The following SORL1 variants were observed in gnomAD, a reference collection of about 807,000 sequenced individuals.
SORL1 encodes sortilin related receptor 1.
SORL1 carries 127 observed loss-of-function variants against 273.7 expected under a neutral mutation model. That is an observed-to-expected ratio of 0.46 (90% confidence interval 0.40 to 0.54). The LOEUF (loss-of-function observed/expected upper bound fraction) is 0.54. SORL1 is among the 20% of genes least tolerant of loss of function. SORL1 has a pLI of 0.00. For missense variants in SORL1, 2,494 were observed against 2,846.1 expected (o/e 0.88, Z 2.81); for synonymous variants, 1,031 against 1,067.4 (o/e 0.97, Z 0.66).
At chr11:121,564,435 TCTCTA>T (rs1862724117) in intron 21 of SORL1, among the ~76,000 whole-genome samples, 1 of 152,212 alleles carries the variant, frequency 6.6e-6, no homozygotes, top group African/African-American at 2.4e-5. Flanking sequence ...CATTTTGAGT[TCTCTA>T]CTCTTAGCTC....
chr11:121,604,511 C>A (rs957994474), intron 33 of SORL1, among the ~76,000 whole-genome samples, 187 bp downstream of exon 33: 1 of 152,074 alleles, frequency 6.6e-6, no homozygotes, highest in South Asian at 2.1e-4. Flanking sequence ...TCTGATACAA[C>A]ATGCAGCTGT....
chr11:121,584,547 G>A (rs1164073594), intron 26 of SORL1, among the ~76,000 whole-genome samples: 3 of 151,856 alleles, frequency 2.0e-5, no homozygotes, highest in African/African-American at 7.3e-5. Context: ...ATTCTACACA[G>A]AGCTCAGTTT....
At chr11:121,546,375 A>C (rs1186974492) in intron 14 of SORL1, among the ~76,000 whole-genome samples, 1 of 151,812 alleles carries the variant, frequency 6.6e-6, no homozygotes, top group Non-Finnish European at 1.5e-5. Context: ...GCTTAGCTGT[A>C]GGAAGAGGAT....
chr11:121,499,186 C>A (rs1437777603), intron 6 of SORL1, among the ~76,000 whole-genome samples: 1 of 152,094 alleles, frequency 6.6e-6, no homozygotes, highest in Non-Finnish European at 1.5e-5. Flanking sequence ...ATTTTTGGTA[C>A]TTTTATAGGC....
At chr11:121,513,184 G>A (rs976271552) in intron 7 of SORL1, 80 bp downstream of exon 7, 4 of 1,033,122 alleles carry the variant, frequency 3.9e-6, no homozygotes, top group Middle Eastern at 2.1e-4. Context: ...TGCAGGGATG[G>A]CCTGCTGGAG....
chr11:121,556,875 A>G, intron 18 of SORL1: 1 of 159,344 alleles, frequency 6.3e-6, no homozygotes, highest in Non-Finnish European at 1.4e-5. Flanking sequence ...GAGCAAGAAT[A>G]TGAGTCCCAC....
chr11:121,538,345 C>G (rs116925054), intron 12 of SORL1, among the ~76,000 whole-genome samples: 2,567 of 152,274 alleles, frequency 0.017, 37 homozygotes, highest in Non-Finnish European at 0.023. Flanking sequence ...CTCTCCACCC[C>G]CAAACCCCTG....
Position 121,514,200 on chromosome 11 carries a change from A to G in SORL1, c.1090A>G (p.Ser364Gly), listed in dbSNP as rs1365934147. The change falls in exon 8 of 48, where the codon AGC becomes GGC. Residue 364 changes from serine (S) to glycine (G), a missense_variant. By Grantham distance (56) the Ser-to-Gly change is moderately conservative. Around this residue, in one of 3 missense-constraint regions of SORL1, gnomAD observed 710 missense variants for 882.5 expected, o/e 0.80. Transcript: ENST00000260197. ...CGAGGACCAGGTGTTTGTGTGTGTC[A>G]GCCACAGTAACAACCGCACCAATTT... ...ASEDQVFVCVSHSNNRTNLYI... is the reference protein window; with the variant it reads ...ASEDQVFVCVGHSNNRTNLYI... The G allele has an allele frequency of 6.2e-7, 1 of 1,614,194 alleles. No individual in the cohort carries two copies. Among genetic ancestry groups the G allele is most frequent in the Admixed American group, 1.7e-5 (1 of 60,030 alleles).
intron 6 of SORL1, among the ~76,000 whole-genome samples, chr11:121,503,733 A>T (rs746942749): frequency 1.3e-5 from 2 of 152,176 alleles, no homozygotes; most frequent in African/African-American, 2.4e-5. Context: ...ATTCTATTCC[A>T]TTAATCTGTA....
At chr11:121,486,207 G>T (rs1861468557) in intron 3 of SORL1, among the ~76,000 whole-genome samples, 1 of 152,166 alleles carries the variant, frequency 6.6e-6, no homozygotes, top group Non-Finnish European at 1.5e-5. Flanking sequence ...TGTTGCTCTG[G>T]TTTCTGATTC....
At chr11:121,515,735 G>A (rs1379694780) in intron 8 of SORL1, among the ~76,000 whole-genome samples, 2 of 151,972 alleles carry the variant, frequency 1.3e-5, no homozygotes, top group African/African-American at 2.4e-5. Context: ...CACTGCAACC[G>A]CCGCTTCCTG....
intron 22 of SORL1, among the ~76,000 whole-genome samples, chr11:121,569,235 C>G (rs909625723): frequency 6.6e-6 from 1 of 152,154 alleles, no homozygotes; most frequent in African/African-American, 2.4e-5. Flanking sequence ...CGCCTCAGGA[C>G]CCTGTGATGA....
intron 22 of SORL1, among the ~76,000 whole-genome samples, chr11:121,569,573 G>A (rs1443823201): frequency 6.6e-6 from 1 of 152,184 alleles, no homozygotes; most frequent in Non-Finnish European, 1.5e-5. Flanking sequence ...CCAGTCTCCT[G>A]TAGTGCTCCT....
At chr11:121,576,657 G>T in intron 24 of SORL1, 1 of 925,162 alleles carries the variant, frequency 1.1e-6, no homozygotes. Context: ...TATTGCCAGG[G>T]CAGCCTCCTT....
intron 31 of SORL1, among the ~76,000 whole-genome samples, chr11:121,594,237 A>G (rs1792113): frequency 0.49 from 74,391 of 152,008 alleles, 20,841 homozygotes; most frequent in Non-Finnish European, 0.65. Context: ...TTTCCATCCA[A>G]CATAGCGGAC....
chr11:121,555,926 ACT>A (rs1254961783), intron 18 of SORL1, among the ~76,000 whole-genome samples: 3 of 152,044 alleles, frequency 2.0e-5, no homozygotes, highest in Non-Finnish European at 4.4e-5. Flanking sequence ...CTTTATACTG[ACT>A]CTGCATGGAG....
chr11:121,557,283 T>A (rs1194858243), intron 18 of SORL1, 31 bp from the exon 19 acceptor site: 1 of 1,533,864 alleles, frequency 6.5e-7, no homozygotes, highest in South Asian at 1.1e-5. Flanking sequence ...CTCCGATCCA[T>A]CTCAGCCTCT....
At chr11:121,466,714 G>C (rs1023144013) in intron 1 of SORL1, among the ~76,000 whole-genome samples, 2 of 151,884 alleles carry the variant, frequency 1.3e-5, no homozygotes, top group Non-Finnish European at 2.9e-5. Flanking sequence ...GGTCTGCTGT[G>C]GGGGGATGGG....
chr11:121,621,284 AG>A, intron 44 of SORL1, 46 bp downstream of exon 44: 1 of 1,532,462 alleles, frequency 6.5e-7, no homozygotes, highest in Non-Finnish European at 8.9e-7. Flanking sequence ...GCCTGCCCTC[AG>A]TGCTGTGCCG....
Sources: gnomAD v4.1 joint callset for allele counts (sites outside exome capture counted in the v4.1 genomes callset) on GRCh38, gnomAD v4.1.1 for gene constraint, gnomAD v4.1.1 regional missense constraint, MANE v1.5 for transcripts, NCBI Gene and HGNC (gene_info 2026-07-23, HGNC 2026-07-21) for gene names.